Variants in HMCN2 observed in about 807,000 individuals in gnomAD.
HMCN2 encodes the protein hemicentin 2, also known as hemicentin-2.
In HMCN2, 325 loss-of-function variants were observed where a neutral mutation model predicts 377.5. That is an observed-to-expected ratio of 0.86 (90% confidence interval 0.79 to 0.94). HMCN2 has a LOEUF of 0.94. HMCN2 is among the 40% of genes least tolerant of loss of function. The probability of loss-of-function intolerance (pLI) is 0.00; values close to 1 mark genes in which losing one functional copy is unlikely to be tolerated. For missense variants in HMCN2, 4,543 were observed against 4,725.3 expected, an observed-to-expected ratio of 0.96 and a Z score of 1.13; for synonymous variants, 2,007 against 2,046.8, an observed-to-expected ratio of 0.98 and a Z score of 0.53.
intron 48 of HMCN2, among the ~76,000 whole-genome samples, chr9:130,374,004 G>A (rs1841234563): frequency 6.6e-6 from 1 of 151,258 alleles, no homozygotes; most frequent in Admixed American, 6.6e-5. Flanking sequence ...GGATGGTTGG[G>A]TGGATGGATG....
intron 1 of HMCN2, among the ~76,000 whole-genome samples, chr9:130,280,249 G>T (rs10819631): frequency 0.79 from 115,259 of 146,666 alleles, 45,556 homozygotes; most frequent in African/African-American, 0.89. Flanking sequence ...TGCAAGCTCC[G>T]CCTCCCGGGT....
intron 2 of HMCN2, 144 bp from the exon 3 acceptor site, chr9:130,285,014 G>A (rs1421273634): frequency 5.4e-6 from 2 of 373,628 alleles, no homozygotes; most frequent in South Asian, 4.0e-5. Flanking sequence ...ATGTTATATC[G>A]TGTCTCCGGG....
intron 43 of HMCN2, among the ~76,000 whole-genome samples, chr9:130,368,023 G>A (rs1218349094): frequency 6.6e-6 from 1 of 151,416 alleles, no homozygotes; most frequent in Non-Finnish European, 1.5e-5. Context: ...GGCCAGAGTA[G>A]GATTCAGATG....
chr9:130,384,827 C>T, intron 59 of HMCN2, 29 bp downstream of exon 59: 4 of 1,248,964 alleles, frequency 3.2e-6, no homozygotes, highest in Non-Finnish European at 4.3e-6. Flanking sequence ...CCAACTTGTA[C>T]TGTCCCCACT....
At chr9:130,318,851 C>T (rs1013483001) in intron 15 of HMCN2, among the ~76,000 whole-genome samples, 3,398 of 152,276 alleles carry the variant, frequency 0.022, 114 homozygotes, top group African/African-American at 0.078. Context: ...AAAGTTCAGC[C>T]AACAGGGCAA....
intron 60 of HMCN2, 61 bp downstream of exon 60, chr9:130,385,823 T>C: frequency 8.4e-7 from 1 of 1,187,908 alleles, no homozygotes; most frequent in Non-Finnish European, 1.1e-6. Context: ...CTCCCAGCCC[T>C]GGCGAGCTGC....
intron 47 of HMCN2, 34 bp from the exon 48 acceptor site, chr9:130,373,004 C>CCCCCCAA: frequency 6.2e-6 from 1 of 160,134 alleles, no homozygotes; most frequent in Non-Finnish European, 1.3e-5. Flanking sequence ...CCCCCCACCC[C>CCCCCCAA]ATCACTAGCC....
intron 1 of HMCN2, among the ~76,000 whole-genome samples, chr9:130,276,172 C>T (rs1325723107): frequency 6.6e-6 from 1 of 151,972 alleles, no homozygotes; most frequent in Non-Finnish European, 1.5e-5. Flanking sequence ...GGTCTGGTTC[C>T]TGGGGATCCC....
Position 130,379,380 on chromosome 9 carries a change from G to T in HMCN2, c.8344G>T (p.Asp2782Tyr). 1 of 985,792 alleles carries T rather than the reference G, an allele frequency of 1.0e-6. No individual in the cohort carries two copies. Among genetic ancestry groups the T allele is most frequent in the Non-Finnish European group, 1.2e-6 (1 of 829,938 alleles). 61.1% of individuals were successfully genotyped at this position (985,792 alleles called of 1,614,324 possible). A position where few individuals can be genotyped will look rare whatever the true frequency, so the allele number is the denominator to read the frequency against. ...GAACAACCCAGCCTACCTGTACTGC[G>T]ACACCAACGCGATCCCACCCCCGGA... ...VENNPAYLYC[D>Y]TNAIPPPDLT... is the part of the protein sequence containing the mutation. Residue 2782 changes from aspartate (D) to tyrosine (Y), a missense_variant, in exon 54 of 98, where the codon GAC (aspartate) becomes TAC (tyrosine). Asp to Tyr is a radical substitution (Grantham distance 160). Around this residue, in one of 5 missense-constraint regions of HMCN2, gnomAD observed 736 missense variants for 773.2 expected, o/e 0.95. Coordinates refer to ENST00000683500, the MANE Select transcript of HMCN2 (RefSeq NM_001291815.2).
intron 42 of HMCN2, 50 bp downstream of exon 42, chr9:130,365,777 C>A (rs961319432): frequency 2.3e-5 from 22 of 974,664 alleles, no homozygotes; most frequent in African/African-American, 3.5e-5. Flanking sequence ...GCCTTGATTG[C>A]GTCCCAGGAC....
chr9:130,432,267 G>A (rs889006820), intron 96 of HMCN2, among the ~76,000 whole-genome samples, 162 bp from the exon 97 acceptor site: 7 of 152,174 alleles, frequency 4.6e-5, no homozygotes, highest in East Asian at 1.9e-4. Flanking sequence ...GGTGCTGCGG[G>A]CCTCCAGCTG....
At chr9:130,399,895 C>A (rs1247651070) in intron 76 of HMCN2, among the ~76,000 whole-genome samples, 1 of 152,114 alleles carries the variant, frequency 6.6e-6, no homozygotes, top group Non-Finnish European at 1.5e-5. Flanking sequence ...TTGTCATCAC[C>A]CCCGTTAAAA....
intron 60 of HMCN2, 45 bp from the exon 61 acceptor site, chr9:130,386,398 C>T (rs932684069): frequency 1.6e-6 from 2 of 1,250,760 alleles, no homozygotes; most frequent in Non-Finnish European, 2.1e-6. Flanking sequence ...TAGCACCCCA[C>T]TTCCAGCTCC....
chr9:130,292,135 T>C (rs1835813784), intron 4 of HMCN2, among the ~76,000 whole-genome samples: 1 of 152,196 alleles, frequency 6.6e-6, no homozygotes. Context: ...TGAGTGTGTC[T>C]TCTGTTGTAT....
At chr9:130,383,152 C>T (rs1841820079) in intron 56 of HMCN2, among the ~76,000 whole-genome samples, 1 of 152,136 alleles carries the variant, frequency 6.6e-6, no homozygotes, top group African/African-American at 2.4e-5. Flanking sequence ...CTGGCGCGTG[C>T]AGAGCCGTGC....
chr9:130,431,272 C>T (rs1844735060), intron 95 of HMCN2, 95 bp from the exon 96 acceptor site: 11 of 1,271,148 alleles, frequency 8.7e-6, no homozygotes, highest in Non-Finnish European at 1.1e-5. Flanking sequence ...AGCTCCAGAG[C>T]CCAGCGGGCA....
intron 4 of HMCN2, among the ~76,000 whole-genome samples, chr9:130,290,712 G>A (rs1312866875): frequency 6.6e-6 from 1 of 152,168 alleles, no homozygotes; most frequent in Non-Finnish European, 1.5e-5. Context: ...ACCTTTTCAA[G>A]AGACACATTA....
intron 82 of HMCN2, chr9:130,407,067 A>G (rs958428096): frequency 9.8e-5 from 15 of 153,390 alleles, no homozygotes; most frequent in Non-Finnish European, 1.6e-4. Flanking sequence ...CCTGGCCAAC[A>G]TGGTGAAACC....
chr9:130,427,624 G>T lies in HMCN2; in HGVS notation c.14065+5G>T. 1 of 1,548,206 alleles carries T rather than the reference G, an allele frequency of 6.5e-7. No homozygotes were observed. Among genetic ancestry groups the T allele is most frequent in the Non-Finnish European group, 8.7e-7 (1 of 1,146,074 alleles). On this transcript the variant is annotated splice_donor_5th_base_variant and intron_variant, in intron 92 of 97. Transcript: ENST00000683500. ...GGGATGACAGGAACTGCAGAGGTGAGGGAGCTGCCGGGAGGAGGGAGGAGA... is the reference window on the plus strand; with the variant it reads ...GGGATGACAGGAACTGCAGAGGTGATGGAGCTGCCGGGAGGAGGGAGGAGA...
Sources: allele counts gnomAD v4.1 joint callset (sites outside exome capture counted in the v4.1 genomes callset), GRCh38; gene constraint gnomAD v4.1.1; regional missense constraint gnomAD v4.1.1; transcripts MANE v1.5; gene names NCBI Gene and HGNC (gene_info 2026-07-23, HGNC 2026-07-21).